The following NFYC variants were observed in gnomAD, a reference collection of about 807,000 sequenced individuals.
The protein encoded by NFYC is nuclear transcription factor Y subunit gamma.
A neutral mutation model predicts 53.1 loss-of-function variants in NFYC; 25 were observed. The observed-to-expected ratio is 0.47, with a 90% CI of 0.34 to 0.66. NFYC has a LOEUF of 0.66. Among genes scored for constraint, NFYC ranks in the 30% least tolerant of loss-of-function variants. The probability of loss-of-function intolerance (pLI) is 0.01; values close to 1 mark genes in which losing one functional copy is unlikely to be tolerated. For synonymous variants in NFYC, 145 were observed against 152.6 expected (o/e 0.95, Z 0.37); for missense variants, 260 against 422.7 (o/e 0.62, Z 3.38).
At chr1:40,742,690 G>A (rs547288263) in intron 2 of NFYC, among the ~76,000 whole-genome samples, 10 of 152,296 alleles carry the variant, frequency 6.6e-5, no homozygotes, top group African/African-American at 2.2e-4. Flanking sequence ...TGTAGTAGGT[G>A]CACAATAAAT....
intron 8 of NFYC, chr1:40,768,567 A>G (rs561056895): frequency 6.6e-6 from 1 of 152,364 alleles, no homozygotes; most frequent in South Asian, 2.1e-4. Context: ...ACTGCTGGCC[A>G]AATGTTCCAT....
At chr1:40,722,294 G>A (rs1326643934) in intron 1 of NFYC, among the ~76,000 whole-genome samples, 4 of 152,090 alleles carry the variant, frequency 2.6e-5, no homozygotes, top group East Asian at 1.9e-4. Flanking sequence ...AATTTGGAAC[G>A]TTCCCATGTT....
chr1:40,727,806 C>G (rs1447168796), intron 1 of NFYC, among the ~76,000 whole-genome samples: 1 of 151,392 alleles, frequency 6.6e-6, no homozygotes, highest in Non-Finnish European at 1.5e-5. Context: ...GCTAGGATTA[C>G]AGGCATGAGT....
At chr1:40,739,139 A>G (rs764982129) in intron 2 of NFYC, among the ~76,000 whole-genome samples, 191 bp downstream of exon 2, 6 of 152,200 alleles carry the variant, frequency 3.9e-5, no homozygotes, top group East Asian at 1.9e-4. Flanking sequence ...AGAGTCTTTT[A>G]TATCTCAGTG....
In NFYC at chr1:40,766,711, C is replaced by T; in HGVS notation, c.828+8C>T. The T allele has an allele frequency of 1.2e-6, 2 of 1,610,126 alleles. No homozygotes were observed. The highest frequency in any genetic ancestry group is 1.7e-6 in the Non-Finnish European group (2 of 1,176,338). ...GCCACCAATGCTCAACAGGTATGTG[C>T]CCCAGAGACACAAGGCCTGTGTTGG... On this transcript the variant is annotated splice_region_variant and intron_variant, in intron 8 of 9. Transcript: ENST00000447388.
At chr1:40,743,151 TG>T (rs1472898320) in intron 2 of NFYC, among the ~76,000 whole-genome samples, 1 of 152,262 alleles carries the variant, frequency 6.6e-6, no homozygotes, top group African/African-American at 2.4e-5. Context: ...TTTCATGATG[TG>T]TTGGAAACAC....
At position 40,762,871 on chromosome 1, in the gene NFYC, A is replaced by G. The variant is rs747402632; in HGVS notation, c.562-17A>G. 2.6e-6 allele frequency: 4 copies of G among 1,563,588 alleles called. No individual in the cohort carries two copies. Among genetic ancestry groups the G allele is most frequent in the African/African-American group, 1.4e-5 (1 of 73,094 alleles). Reference sequence around the variant, plus strand: ...GAGCCTGAACTCACGCAGCATTCTCATAACTCTTCCTTTCAGACCACACCT... The same window carrying G: ...GAGCCTGAACTCACGCAGCATTCTCGTAACTCTTCCTTTCAGACCACACCT... On this transcript the variant is annotated splice_polypyrimidine_tract_variant and intron_variant, in intron 6 of 9. Coordinates refer to ENST00000447388, the MANE Select transcript of NFYC (RefSeq NM_014223.5).
At chr1:40,763,780 G>A (rs914900288) in intron 7 of NFYC, among the ~76,000 whole-genome samples, 1 of 152,134 alleles carries the variant, frequency 6.6e-6, no homozygotes, top group African/African-American at 2.4e-5. Flanking sequence ...GGTTCACCAC[G>A]ATTGGGCGGC....
At chr1:40,737,520 G>C (rs1328199334) in intron 1 of NFYC, among the ~76,000 whole-genome samples, 2 of 151,548 alleles carry the variant, frequency 1.3e-5, no homozygotes, top group Non-Finnish European at 2.9e-5. Flanking sequence ...GTAGAGATGG[G>C]GTTTCACCAT....
At chr1:40,737,593 T>C (rs767909095) in intron 1 of NFYC, among the ~76,000 whole-genome samples, 6 of 151,814 alleles carry the variant, frequency 4.0e-5, no homozygotes, top group Non-Finnish European at 7.4e-5. Context: ...CTTCCCAGAG[T>C]GTTTGGATTA....
chr1:40,731,204 T>C (rs1557806229), intron 1 of NFYC, among the ~76,000 whole-genome samples: 1 of 152,074 alleles, frequency 6.6e-6, no homozygotes, highest in Non-Finnish European at 1.5e-5. Context: ...TGGGACGGAG[T>C]CTTGCTGTAT....
At position 40,693,591 on chromosome 1, in the gene NFYC, C is replaced by T. The variant is rs145140082; in HGVS notation, c.-9+1724C>T. Among the ~76,000 whole-genome samples, 318 of 152,268 alleles carry T rather than the reference C, an allele frequency of 2.1e-3. 3 individuals carry two copies. Among genetic ancestry groups the T allele is most frequent in the African/African-American group, 7.2e-3 (298 of 41,534 alleles). On this transcript the variant is annotated intron_variant, in intron 1 of 9. Coordinates refer to ENST00000447388, the MANE Select transcript of NFYC (RefSeq NM_014223.5). ...ATTGCTATTTTGGGGCATATTTTAA[C>T]TCCAATAGGTAGGCATTATCGTCCC...
intron 8 of NFYC, chr1:40,768,776 C>G (rs1055779890): frequency 8.5e-5 from 13 of 152,712 alleles, no homozygotes; most frequent in African/African-American, 3.1e-4. Flanking sequence ...TCCTCCCCTC[C>G]TTTGGCCCAG....
intron 6 of NFYC, 147 bp from the exon 7 acceptor site, chr1:40,762,741 C>T: frequency 1.5e-6 from 1 of 663,842 alleles, no homozygotes; most frequent in African/African-American, 1.9e-5. Flanking sequence ...ACCCAGAGGA[C>T]TCTGTAGGTT....
intron 2 of NFYC, among the ~76,000 whole-genome samples, chr1:40,745,179 A>G (rs1385230256): frequency 6.6e-6 from 1 of 152,038 alleles, no homozygotes; most frequent in African/African-American, 2.4e-5. Context: ...TGAAGGAGTA[A>G]TAGTTTACTC....
Position 40,700,977 on chromosome 1 carries a change from A to G in NFYC, c.-9+9110A>G, listed in dbSNP as rs540410096. ...AAACAGTCTTAAACATGGGGCTGGGAAAATCAGAATTACACTTTAAACGTG... is the reference window on the plus strand; with the variant it reads ...AAACAGTCTTAAACATGGGGCTGGGGAAATCAGAATTACACTTTAAACGTG... On this transcript the variant is annotated intron_variant, in intron 1 of 9. Coordinates refer to ENST00000447388, the MANE Select transcript of NFYC (RefSeq NM_014223.5). Among the ~76,000 whole-genome samples, 7 of 152,346 alleles carry G rather than the reference A, an allele frequency of 4.6e-5. No homozygotes were observed. The South Asian group carries it at 1.4e-3, about 32-fold the overall frequency.
Position 40,771,588 on chromosome 1 carries a change from A to C in NFYC, c.*760A>C. ...CTTCAAGCTGCATGAAATGCAATAA[A>C]TCTCATTTTAGATAATTTAGAGTCT... On this transcript the variant is annotated 3_prime_UTR_variant, in exon 10 of 10. Coordinates refer to ENST00000447388, the MANE Select transcript of NFYC (RefSeq NM_014223.5). The C allele has an allele frequency of 3.0e-6, 1 of 332,492 alleles. No individual in the cohort carries two copies. Among genetic ancestry groups the C allele is most frequent in the Non-Finnish European group, 6.3e-6 (1 of 159,330 alleles). The allele number at this position is 332,492 out of a possible 1,614,324, so 20.6% of individuals were successfully genotyped here.
At chr1:40,745,726 T>C (rs1489790542) in intron 2 of NFYC, among the ~76,000 whole-genome samples, 2 of 152,182 alleles carry the variant, frequency 1.3e-5, no homozygotes, top group Non-Finnish European at 1.5e-5. Context: ...AGCCCCACAT[T>C]GCTAGCTGTC....
rs1031728966 is a variant in NFYC at position 40,750,452 on chromosome 1, G to C, written c.291+766G>C. 3.3e-5 allele frequency among the ~76,000 whole-genome samples: 5 copies of C among 152,156 alleles called. No homozygotes were observed. The South Asian group carries it at 8.3e-4, about 25-fold the overall frequency. On this transcript the variant is annotated intron_variant, in intron 4 of 9. Transcript: ENST00000447388. Reference sequence around the variant, plus strand: ...TTACTGAACACCCACAATGTGCCGGGCACTTTTCTAGGCTCTGGGGATTAA... The same window carrying C: ...TTACTGAACACCCACAATGTGCCGGCCACTTTTCTAGGCTCTGGGGATTAA...
Sources: allele counts gnomAD v4.1 joint callset (sites outside exome capture counted in the v4.1 genomes callset), GRCh38; gene constraint gnomAD v4.1.1; transcripts MANE v1.5; gene names NCBI Gene and HGNC (gene_info 2026-07-23, HGNC 2026-07-21).